WDPCP: variants seen among roughly 807,000 people sequenced by gnomAD.
The protein encoded by WDPCP is WD repeat containing planar cell polarity effector, also known as WD repeat-containing and planar cell polarity effector protein fritz homolog.
Under a neutral mutation model 93.1 loss-of-function variants are expected in WDPCP, and 71 were observed. The observed-to-expected ratio is 0.76, with a 90% confidence interval of 0.63 to 0.93. The LOEUF (loss-of-function observed/expected upper bound fraction) is 0.93, where lower values mean the gene tolerates loss of function less well. Among genes scored for constraint, WDPCP ranks in the 40% least tolerant of loss-of-function variants. The pLI is 0.00. For synonymous variants in WDPCP, 315 were observed against 315.0 expected, an observed-to-expected ratio of 1.00 and a Z score of 0.00; for missense variants, 844 against 887.4, an observed-to-expected ratio of 0.95 and a Z score of 0.62.
chr2:63,838,037 T>A, the WDPCP span, among the ~76,000 whole-genome samples: 1 of 151,872 alleles, frequency 6.6e-6, no homozygotes, highest in African/African-American at 2.4e-5. Context: ...GGAGGTTGCA[T>A]TGAGCCGAGA....
At chr2:63,721,689 C>G (rs1669416170) in intron 2 of WDPCP, among the ~76,000 whole-genome samples, 3 of 151,534 alleles carry the variant, frequency 2.0e-5, no homozygotes, top group Non-Finnish European at 4.4e-5. Flanking sequence ...AGAATGCTCC[C>G]TGCCCTCCCG....
intron 6 of WDPCP, among the ~76,000 whole-genome samples, chr2:63,458,553 A>C (rs1270860742): frequency 6.6e-6 from 1 of 152,190 alleles, no homozygotes; most frequent in East Asian, 1.9e-4. Flanking sequence ...AGATCTCTAC[A>C]AGAAAAACTG....
intron 6 of WDPCP, among the ~76,000 whole-genome samples, chr2:63,467,791 A>G (rs1699442926): frequency 6.6e-6 from 1 of 151,962 alleles, no homozygotes; most frequent in African/African-American, 2.4e-5. Context: ...AAAAAAAAAA[A>G]AAAAAAAAAT....
At chr2:63,548,999 AGC>A (rs1453506257) in intron 1 of WDPCP, among the ~76,000 whole-genome samples, 3 of 152,194 alleles carry the variant, frequency 2.0e-5, no homozygotes, top group Non-Finnish European at 2.9e-5. Flanking sequence ...CTGTAATCCC[AGC>A]ATTTTAGGAG....
chr2:63,469,342 T>A (rs2105808085), intron 6 of WDPCP, among the ~76,000 whole-genome samples: 1 of 152,328 alleles, frequency 6.6e-6, no homozygotes, highest in Non-Finnish European at 1.5e-5. Flanking sequence ...GCAATCCCAT[T>A]ACTGGGATAT....
At chr2:63,545,738 T>C (rs781364890) in intron 1 of WDPCP, among the ~76,000 whole-genome samples, 8 of 151,900 alleles carry the variant, frequency 5.3e-5, no homozygotes, top group Non-Finnish European at 7.4e-5. Flanking sequence ...CCACAGTGTA[T>C]TCTCTAGAGG....
chr2:63,556,356 T>C (rs542467608), intron 1 of WDPCP, among the ~76,000 whole-genome samples: 1 of 151,962 alleles, frequency 6.6e-6, no homozygotes, highest in South Asian at 2.1e-4. Flanking sequence ...ATGTAAAAAG[T>C]CCGAACCTGC....
intron 3 of WDPCP, among the ~76,000 whole-genome samples, chr2:63,634,566 T>C (rs1486930811): frequency 6.6e-6 from 1 of 152,196 alleles, no homozygotes; most frequent in Non-Finnish European, 1.5e-5. Context: ...CAGCAGAATA[T>C]ACATTCATCT....
chr2:63,457,578 C>T (rs1028165330), intron 6 of WDPCP, among the ~76,000 whole-genome samples: 1 of 152,116 alleles, frequency 6.6e-6, no homozygotes, highest in Admixed American at 6.5e-5. Flanking sequence ...CAAACCAAAT[C>T]CAACAGCACA....
chr2:63,453,223 G>C (rs11693047), intron 6 of WDPCP, among the ~76,000 whole-genome samples: 122,724 of 152,190 alleles, frequency 0.81, 50,137 homozygotes, highest in East Asian at 0.98. Flanking sequence ...CCAGAATCTA[G>C]AATGAACTCA....
intron 1 of WDPCP, among the ~76,000 whole-genome samples, chr2:63,510,243 C>A (rs567155101): frequency 2.6e-5 from 4 of 152,272 alleles, no homozygotes; most frequent in Admixed American, 2.0e-4. Flanking sequence ...ACGATCAAGT[C>A]GGCTTCCTCC....
intron 10 of WDPCP, among the ~76,000 whole-genome samples, chr2:63,399,051 A>G (rs1488223467): frequency 1.3e-5 from 2 of 152,180 alleles, no homozygotes; most frequent in African/African-American, 4.8e-5. Flanking sequence ...AATAAATATT[A>G]ATCTTATACA....
chr2:63,515,383 G>A (rs1309872008), intron 1 of WDPCP, among the ~76,000 whole-genome samples: 7 of 152,084 alleles, frequency 4.6e-5, no homozygotes, highest in Admixed American at 3.9e-4. Context: ...TGTGTGACTT[G>A]CACGTTATCC....
At chr2:63,277,273 C>T (rs1203084718) in intron 13 of WDPCP, among the ~76,000 whole-genome samples, 1 of 152,040 alleles carries the variant, frequency 6.6e-6, no homozygotes, top group African/African-American at 2.4e-5. Flanking sequence ...AAAATCGAAC[C>T]TCCTTAAAGC....
chr2:63,708,981 G>A (rs950817036), intron 2 of WDPCP, among the ~76,000 whole-genome samples: 3 of 147,816 alleles, frequency 2.0e-5, no homozygotes, highest in Admixed American at 6.7e-5. Context: ...AGTACTTTGG[G>A]AGGCCGAGGG....
intron 6 of WDPCP, among the ~76,000 whole-genome samples, chr2:63,481,133 G>C (rs1479041616): frequency 6.6e-6 from 1 of 151,952 alleles, no homozygotes; most frequent in Non-Finnish European, 1.5e-5. Flanking sequence ...CAAACACATG[G>C]AAAAACGCTC....
At chr2:63,323,376 CA>C (rs1414987889) in intron 12 of WDPCP, among the ~76,000 whole-genome samples, 1 of 152,128 alleles carries the variant, frequency 6.6e-6, no homozygotes, top group Non-Finnish European at 1.5e-5. Context: ...CCAGGCTCAC[CA>C]ATCAGAAAGA....
At chr2:63,741,272 G>A (rs1210275838) in intron 2 of WDPCP, among the ~76,000 whole-genome samples, 2 of 151,972 alleles carry the variant, frequency 1.3e-5, no homozygotes, top group African/African-American at 4.8e-5. Context: ...TTAAGCACTA[G>A]CTAGGGAGTC....
intron 1 of WDPCP, among the ~76,000 whole-genome samples, chr2:63,818,918 G>A (rs1162613098): frequency 6.6e-6 from 1 of 152,150 alleles, no homozygotes; most frequent in Non-Finnish European, 1.5e-5. Flanking sequence ...GCGATTATAT[G>A]GGTGCTGGCT....
Sources: allele counts gnomAD v4.1 joint callset (sites outside exome capture counted in the v4.1 genomes callset), GRCh38; gene constraint gnomAD v4.1.1; transcripts MANE v1.5; gene names NCBI Gene and HGNC (gene_info 2026-07-23, HGNC 2026-07-21).